The following TANC2 variants were observed in gnomAD, a reference collection of about 807,000 sequenced individuals.
The protein encoded by TANC2 is tetratricopeptide repeat, ankyrin repeat and coiled-coil containing 2, also known as protein TANC2.
A neutral mutation model predicts 210.5 loss-of-function variants in TANC2; 26 were observed. The ratio of observed to expected loss-of-function variants is 0.12; its 90% CI spans 0.09 to 0.17. The LOEUF (loss-of-function observed/expected upper bound fraction) is 0.17. TANC2 is among the 10% of genes least tolerant of loss of function. The pLI is 1.00. For missense variants in TANC2, 2,129 were observed against 2,608.9 expected, an observed-to-expected ratio of 0.82 and a Z score of 4.01; for synonymous variants, 931 against 967.1, an observed-to-expected ratio of 0.96 and a Z score of 0.69.
At chr17:62,998,175 G>A (rs2033204029) in intron 1 of TANC2, among the ~76,000 whole-genome samples, 1 of 152,152 alleles carries the variant, frequency 6.6e-6, no homozygotes, top group African/African-American at 2.4e-5. Flanking sequence ...GAATCTCAGA[G>A]CTAGAAGACC....
Position 63,412,920 on chromosome 17 carries a change from G to T in TANC2, c.3928+211G>T, listed in dbSNP as rs945310437. ...AAAGCATAGTTTGTAAATAATTCAG[G>T]CATTTGTAAACTAATCAATTTAACC... is the stretch of plus-strand genomic sequence containing the variant. On this transcript the variant is annotated intron_variant, in intron 24 of 27. Transcript: ENST00000689528. The surrounding 1 kb of genome is among the most constrained non-coding windows in gnomAD (Gnocchi z 4.2). 6.6e-6 allele frequency among the ~76,000 whole-genome samples: 1 copy of T among 152,042 alleles called. No homozygotes were observed. The highest frequency in any genetic ancestry group is 2.4e-5 in the African/African-American group (1 of 41,378).
intron 14 of TANC2, among the ~76,000 whole-genome samples, chr17:63,363,103 T>C (rs2047012969): frequency 6.6e-6 from 1 of 152,242 alleles, no homozygotes; most frequent in Non-Finnish European, 1.5e-5. Flanking sequence ...TAGTTTTCAT[T>C]TGAATTTCTG....
chr17:63,189,643 T>C (rs977320831), intron 5 of TANC2, among the ~76,000 whole-genome samples: 1 of 152,198 alleles, frequency 6.6e-6, no homozygotes, highest in Non-Finnish European at 1.5e-5. Flanking sequence ...GTTCTTTATG[T>C]AGTCTGGGTT....
At chr17:62,968,506 A>G (rs956265094) in intron 1 of TANC2, 1 of 152,162 alleles carries the variant, frequency 6.6e-6, no homozygotes, top group African/African-American at 2.4e-5. Context: ...TTACCTTGAG[A>G]AGCTGTTGGG....
chr17:63,117,672 G>A (rs939461924), intron 4 of TANC2, among the ~76,000 whole-genome samples: 3 of 152,202 alleles, frequency 2.0e-5, no homozygotes, highest in Non-Finnish European at 4.4e-5. Context: ...TGTCAGGTCT[G>A]ATAACAACAT....
intron 2 of TANC2, among the ~76,000 whole-genome samples, chr17:63,057,053 C>A (rs1196152112): frequency 6.6e-6 from 1 of 151,828 alleles, no homozygotes; most frequent in Non-Finnish European, 1.5e-5. Flanking sequence ...GCCTCCAACT[C>A]CTGGTCTGAA....
chr17:63,053,275 C>T (rs1288122994), intron 2 of TANC2, among the ~76,000 whole-genome samples: 1 of 152,366 alleles, frequency 6.6e-6, no homozygotes, highest in East Asian at 1.9e-4. Flanking sequence ...TTTCTAATCT[C>T]TATTGAACTT....
At chr17:63,098,463 CACACACACACACACACA>C (rs1567720845) in intron 3 of TANC2, among the ~76,000 whole-genome samples, 2,886 of 43,088 alleles carry the variant, frequency 0.067, 134 homozygotes, top group African/African-American at 0.27. Context: ...CACACACACA[CACACACACACACACACA>C]TACACTCTCT....
chr17:63,242,455 T>C (rs1485744857), intron 8 of TANC2, among the ~76,000 whole-genome samples: 1 of 152,104 alleles, frequency 6.6e-6, no homozygotes, highest in Admixed American at 6.6e-5. Flanking sequence ...TACATGATCC[T>C]CTGTATCTGT....
At chr17:63,110,058 G>A (rs966644950) in intron 4 of TANC2, among the ~76,000 whole-genome samples, 1 of 151,598 alleles carries the variant, frequency 6.6e-6, no homozygotes, top group African/African-American at 2.4e-5. Context: ...TATGAAAATG[G>A]GCATGAGATT....
rs111545438 is a variant in TANC2, at chr17:63,394,046, A to G, written c.3052-1697A>G. ...CTCGGCCTCCCAAAGTGCTGGGATT[A>G]CAGGCATGAGCCACCATGCCCAGCC... is the stretch of plus-strand genomic sequence containing the variant. On this transcript the variant is annotated intron_variant, in intron 17 of 27. Transcript: ENST00000689528. Among the ~76,000 whole-genome samples, 834 of 152,296 alleles carry G rather than the reference A, an allele frequency of 5.5e-3. 7 individuals are homozygous for G. Among genetic ancestry groups the G allele is most frequent in the African/African-American group, 0.018 (742 of 41,552 alleles).
intron 2 of TANC2, among the ~76,000 whole-genome samples, chr17:63,028,565 C>T (rs773697875): frequency 6.6e-6 from 1 of 152,096 alleles, no homozygotes; most frequent in Non-Finnish European, 1.5e-5. Context: ...TCAGATTTGC[C>T]TCAACTCCCC....
At chr17:63,241,842 G>A (rs1462317752) in intron 8 of TANC2, among the ~76,000 whole-genome samples, 1 of 152,108 alleles carries the variant, frequency 6.6e-6, no homozygotes, top group Non-Finnish European at 1.5e-5. Context: ...TTCCGTGAGA[G>A]GACATTGTTA....
In TANC2 at chr17:63,025,030, T is replaced by G. The variant is rs546211208; in HGVS notation, c.67+15404T>G. ...TTTGTGTAAGTTTTTGCTCTTTGAT[T>G]TTTTTCTTGTTTTTCATAGAAACAT... On this transcript the variant is annotated intron_variant, in intron 2 of 27. Coordinates refer to ENST00000689528, the Ensembl canonical transcript of TANC2. Among the ~76,000 whole-genome samples, 4 of 152,318 alleles carry G rather than the reference T, an allele frequency of 2.6e-5. No homozygotes were observed. The South Asian group carries it at 8.3e-4, about 32-fold the overall frequency.
chr17:63,369,324 A>C (rs1256479808), intron 14 of TANC2, among the ~76,000 whole-genome samples: 1 of 152,170 alleles, frequency 6.6e-6, no homozygotes, highest in Non-Finnish European at 1.5e-5. Context: ...TCTGGTAGGG[A>C]ATCTATCGAT....
chr17:63,169,402 C>G (rs1379832684), intron 5 of TANC2, among the ~76,000 whole-genome samples: 1 of 152,178 alleles, frequency 6.6e-6, no homozygotes, highest in Non-Finnish European at 1.5e-5. Context: ...AGTCATTTCT[C>G]CCTGGTTAAC....
In TANC2 at chr17:63,420,123, C is replaced by G. The variant is rs1309026358; in HGVS notation, c.4393C>G (p.Pro1465Ala). 6.4e-7 allele frequency: 1 copy of G among 1,551,506 alleles called. No homozygotes were observed. The highest frequency in any genetic ancestry group is 2.4e-5 in the East Asian group (1 of 40,994). The stretch of plus-strand genomic sequence containing the variant: ...TAGACAGATGCAGCAGCCACAGCAG[C>G]CACCGCCGCCACCGCAGCCTCAGCA... Residue 1465 changes from proline to alanine, a missense_variant, in exon 28 of 28, where the codon CCA becomes GCA. Physicochemically the swap from Pro to Ala is conservative, Grantham distance 27. Around this residue, in one of 5 missense-constraint regions of TANC2, gnomAD observed 584 missense variants for 627.3 expected, o/e 0.93. Coordinates refer to ENST00000689528, the Ensembl canonical transcript of TANC2. The surrounding 1 kb of genome is among the most constrained non-coding windows in gnomAD (Gnocchi z 4.2).
chr17:62,992,782 A>G (rs577411733), intron 1 of TANC2, among the ~76,000 whole-genome samples: 1 of 152,324 alleles, frequency 6.6e-6, no homozygotes, highest in African/African-American at 2.4e-5. Context: ...GTTGGCTACT[A>G]TTATAATTTG....
chr17:63,100,562 C>G (rs1487562446), intron 4 of TANC2, among the ~76,000 whole-genome samples: 1 of 151,996 alleles, frequency 6.6e-6, no homozygotes, highest in Non-Finnish European at 1.5e-5. Context: ...AATCTCAGTG[C>G]TTAGAAATTC....
Sources: gnomAD v4.1 joint callset for allele counts (sites outside exome capture counted in the v4.1 genomes callset) on GRCh38, gnomAD v4.1.1 for gene constraint, gnomAD v4.1.1 regional missense constraint, Gnocchi (gnomAD v3.1) non-coding constraint, MANE v1.5 for transcripts, NCBI Gene and HGNC (gene_info 2026-07-23, HGNC 2026-07-21) for gene names.